The following DIP2C variants were observed in gnomAD, a reference collection of about 807,000 sequenced individuals.
The protein encoded by DIP2C is DIP2 acetate--CoA ligase C (putative).
DIP2C carries 33 observed loss-of-function variants against 192.4 expected under a neutral mutation model. The observed-to-expected ratio is 0.17, with a 90% CI of 0.13 to 0.23. The LOEUF is 0.23. Among genes scored for constraint, DIP2C ranks in the 10% least tolerant of loss-of-function variants. The pLI is 1.00. For synonymous variants in DIP2C, 979 were observed against 864.1 expected, an observed-to-expected ratio of 1.13 and a Z score of -2.33; for missense variants, 1,537 against 2,110.1, an observed-to-expected ratio of 0.73 and a Z score of 5.32.
intron 1 of DIP2C, among the ~76,000 whole-genome samples, chr10:517,932 C>G (rs1199434423): frequency 1.3e-5 from 2 of 152,202 alleles, no homozygotes; most frequent in South Asian, 4.1e-4. Context: ...AGTATTTTGA[C>G]TTGAGCCAAA....
chr10:578,405 C>T (rs753953336), intron 1 of DIP2C, among the ~76,000 whole-genome samples: 5 of 152,164 alleles, frequency 3.3e-5, no homozygotes, highest in Admixed American at 6.5e-5. Context: ...ATATGGAAAG[C>T]TAGACAGCTG....
chr10:497,778 T>C (rs894008693), intron 1 of DIP2C, among the ~76,000 whole-genome samples: 1 of 152,186 alleles, frequency 6.6e-6, no homozygotes, highest in Non-Finnish European at 1.5e-5. Context: ...TGAAGCAACA[T>C]TCATCATACA....
chr10:372,570 A>G (rs1961093280), intron 17 of DIP2C, among the ~76,000 whole-genome samples: 1 of 152,172 alleles, frequency 6.6e-6, no homozygotes, highest in Admixed American at 6.5e-5. Context: ...TCCACTGTAC[A>G]TTTATTCATA....
chr10:374,183 A>G (rs1416366111), intron 17 of DIP2C, among the ~76,000 whole-genome samples: 2 of 152,224 alleles, frequency 1.3e-5, no homozygotes, highest in East Asian at 3.8e-4. Context: ...AGTAATACAA[A>G]TATAAGATCA....
chr10:592,355 C>CA (rs767535347), intron 1 of DIP2C, among the ~76,000 whole-genome samples: 18 of 152,106 alleles, frequency 1.2e-4, no homozygotes, highest in Non-Finnish European at 1.9e-4. Flanking sequence ...TTATCTTCTA[C>CA]AAAAAATCCT....
chr10:469,895 A>G (rs1161677216), intron 3 of DIP2C, among the ~76,000 whole-genome samples: 1 of 152,194 alleles, frequency 6.6e-6, no homozygotes. Flanking sequence ...CCTTCAAAAT[A>G]TAGAAGCCAG....
chr10:541,120 G>GGGGAGCCACAACACCCGATGCTT lies in DIP2C; in HGVS notation c.86-54613_86-54591dup, dbSNP rs1564831987. ...CTGGGGAGCCACAACACCCGATGCT[G>GGGGAGCCACAACACCCGATGCTT]GGGAGCCACAACACCCGATGCTTGG... is the stretch of plus-strand genomic sequence containing the variant. On this transcript the variant is annotated intron_variant, in intron 1 of 36. Coordinates refer to ENST00000280886, the MANE Select transcript of DIP2C (RefSeq NM_014974.3). Among the ~76,000 whole-genome samples, 454 of 148,148 alleles carry GGGGAGCCACAACACCCGATGCTT rather than the reference G, an allele frequency of 3.1e-3. 5 individuals carry two copies. Among genetic ancestry groups the GGGGAGCCACAACACCCGATGCTT allele is most frequent in the African/African-American group, 0.01 (417 of 39,968 alleles).
In DIP2C at chr10:293,034, C is replaced by T. The variant is rs533062379; in HGVS notation, c.3987-4613G>A. On this transcript the variant is annotated intron_variant, in intron 32 of 36. Transcript: ENST00000280886. ...CCAACAGAAGTGCGCCGGCATACGG[C>T]AGCACTGCCCCCGCCAGAAAGACAA... Among the ~76,000 whole-genome samples, 107 of 152,372 alleles carry T rather than the reference C, an allele frequency of 7.0e-4. 1 individual carries two copies. The highest frequency in any genetic ancestry group is 2.4e-3 in the African/African-American group (101 of 41,594).
intron 2 of DIP2C, among the ~76,000 whole-genome samples, chr10:475,137 A>G (rs1970958587): frequency 6.6e-6 from 1 of 152,088 alleles, no homozygotes; most frequent in African/African-American, 2.4e-5. Context: ...GGAGCCTCCC[A>G]GTTTAATTTC....
chr10:660,292 AC>A (rs1564317296), intron 1 of DIP2C, among the ~76,000 whole-genome samples: 1 of 151,912 alleles, frequency 6.6e-6, no homozygotes, highest in African/African-American at 2.4e-5. Context: ...TGTGTATGAA[AC>A]AGAGATTCTA....
At chr10:543,509 C>T (rs1848117029) in intron 1 of DIP2C, among the ~76,000 whole-genome samples, 1 of 152,222 alleles carries the variant, frequency 6.6e-6, no homozygotes, top group Non-Finnish European at 1.5e-5. Flanking sequence ...GCATTCAGCT[C>T]ACGTTTACAT....
intron 17 of DIP2C, among the ~76,000 whole-genome samples, chr10:378,452 AAC>A (rs1216068106): frequency 2.0e-5 from 3 of 152,196 alleles, no homozygotes; most frequent in South Asian, 2.1e-4. Flanking sequence ...AAGACACGTG[AAC>A]ACAAACATGC....
At chr10:553,977 A>T (rs1564843436) in intron 1 of DIP2C, among the ~76,000 whole-genome samples, 1 of 150,918 alleles carries the variant, frequency 6.6e-6, no homozygotes, top group Non-Finnish European at 1.5e-5. Flanking sequence ...TACGCTTGTA[A>T]CTGTAAGAGT....
chr10:325,022 T>C (rs1316224926), intron 31 of DIP2C: 2 of 515,778 alleles, frequency 3.9e-6, no homozygotes, highest in South Asian at 1.4e-5. Context: ...TCCCAGCACT[T>C]TAGGAGGCAA....
intron 1 of DIP2C, among the ~76,000 whole-genome samples, chr10:582,443 C>T (rs1043813922): frequency 1.3e-5 from 2 of 152,218 alleles, no homozygotes; most frequent in Admixed American, 6.5e-5. Flanking sequence ...GTTAGCCAGG[C>T]ATGCTGGTGC....
chr10:361,987 A>G (rs1959582891), intron 22 of DIP2C, among the ~76,000 whole-genome samples: 1 of 151,994 alleles, frequency 6.6e-6, no homozygotes, highest in Admixed American at 6.6e-5. Context: ...AGAGACCATG[A>G]GAACAGCCGT....
intron 1 of DIP2C, among the ~76,000 whole-genome samples, chr10:671,279 TCACAGACAGAGGAAACACCACAGATC>T: frequency 6.6e-6 from 1 of 151,606 alleles, no homozygotes; most frequent in Admixed American, 6.6e-5. Flanking sequence ...GGCCACAGGC[TCACAGACAGAGGAAACACCACAGATC>T]CACAGACGGA....
intron 29 of DIP2C, among the ~76,000 whole-genome samples, chr10:334,827 G>A (rs1316364021): frequency 3.3e-5 from 5 of 152,054 alleles, no homozygotes; most frequent in East Asian, 3.8e-4. Context: ...TCTGGTTATT[G>A]CAGCTTTGCA....
intron 11 of DIP2C, 147 bp from the exon 12 acceptor site, chr10:390,520 C>T: frequency 1.9e-6 from 2 of 1,061,728 alleles, no homozygotes; most frequent in South Asian, 1.5e-5. Flanking sequence ...AAGACATCAA[C>T]AGAAGAGCAC....
Sources: allele counts gnomAD v4.1 joint callset (sites outside exome capture counted in the v4.1 genomes callset), GRCh38; gene constraint gnomAD v4.1.1; transcripts MANE v1.5; gene names NCBI Gene and HGNC (gene_info 2026-07-23, HGNC 2026-07-21).